Variants in TMEM229B observed in about 807,000 individuals in gnomAD.
TMEM229B encodes the protein transmembrane protein 229B.
A neutral mutation model predicts 13.7 loss-of-function variants in TMEM229B; 6 were observed. That is an observed-to-expected ratio of 0.44 (90% CI 0.24 to 0.86). The LOEUF is 0.86. Among genes scored for constraint, TMEM229B ranks in the 40% least tolerant of loss-of-function variants. The pLI, the probability that TMEM229B is intolerant of heterozygous loss-of-function variation, is 0.23. For synonymous variants in TMEM229B, 107 were observed against 102.1 expected (o/e 1.05, Z -0.29); for missense variants, 170 against 236.0 (o/e 0.72, Z 1.83).
chr14:67,476,838 G>A (rs1379169210), intron 2 of TMEM229B, among the ~76,000 whole-genome samples: 7 of 151,938 alleles, frequency 4.6e-5, no homozygotes, highest in South Asian at 2.1e-4. Flanking sequence ...AAAAATGCTC[G>A]ATAGTGGCTG....
intron 1 of TMEM229B, among the ~76,000 whole-genome samples, chr14:67,502,747 G>A (rs1054583308): frequency 4.0e-5 from 6 of 151,796 alleles, no homozygotes; most frequent in African/African-American, 1.2e-4. Context: ...CCACCGCGCC[G>A]GGCCCCAGAA....
At chr14:67,479,856 T>G (rs2031476828) in intron 2 of TMEM229B, among the ~76,000 whole-genome samples, 1 of 152,162 alleles carries the variant, frequency 6.6e-6, no homozygotes, top group South Asian at 2.1e-4. Context: ...TGCAGGCTCT[T>G]CCCTCCTGTG....
intron 2 of TMEM229B, among the ~76,000 whole-genome samples, chr14:67,481,211 A>C (rs2031564956): frequency 6.6e-6 from 1 of 152,208 alleles, no homozygotes; most frequent in African/African-American, 2.4e-5. Context: ...TGAGTTCAAG[A>C]GTTTGAGGCT....
At chr14:67,505,228 A>T (rs139167572) in intron 1 of TMEM229B, among the ~76,000 whole-genome samples, 37 of 152,218 alleles carry the variant, frequency 2.4e-4, no homozygotes, top group African/African-American at 8.4e-4. Flanking sequence ...GACTGGGGAA[A>T]AATCTTTGTG....
Position 67,473,277 on chromosome 14 carries a change from C to T in TMEM229B, c.*143G>A. On this transcript the variant is annotated 3_prime_UTR_variant, in exon 3 of 3. Coordinates refer to ENST00000554480, the MANE Select transcript of TMEM229B (RefSeq NM_001348543.2). The surrounding 1 kb of genome is among the most constrained non-coding windows in gnomAD (Gnocchi z 6.5). ...GCCCCCCAACACCGGCCCCCGCGGACGTTAGGGGGCTCTGTGTGCCCTATA... is the reference window on the plus strand; with the variant it reads ...GCCCCCCAACACCGGCCCCCGCGGATGTTAGGGGGCTCTGTGTGCCCTATA... The T allele has an allele frequency of 4.2e-6, 5 of 1,177,316 alleles. No individual in the cohort carries two copies. The highest frequency in any genetic ancestry group is 4.8e-6 in the Non-Finnish European group (4 of 836,844). 72.9% of individuals were successfully genotyped at this position (1,177,316 alleles called of 1,614,324 possible).
chr14:67,505,875 T>A (rs1287827939), intron 1 of TMEM229B, among the ~76,000 whole-genome samples: 2 of 152,156 alleles, frequency 1.3e-5, no homozygotes, highest in African/African-American at 2.4e-5. Flanking sequence ...AATTTTTGTA[T>A]TTTTAGTAGC....
intron 2 of TMEM229B, among the ~76,000 whole-genome samples, chr14:67,484,759 A>C (rs1373492734): frequency 6.6e-6 from 1 of 152,174 alleles, no homozygotes; most frequent in African/African-American, 2.4e-5. Context: ...CCTCATTTCT[A>C]ATAAAGAAAA....
At chr14:67,522,744 G>C (rs890384342) in intron 1 of TMEM229B, among the ~76,000 whole-genome samples, 1 of 152,218 alleles carries the variant, frequency 6.6e-6, no homozygotes, top group Non-Finnish European at 1.5e-5. Context: ...AGCCGGCTGA[G>C]AGACAGCCAA....
chr14:67,500,355 T>A (rs1036911057), intron 1 of TMEM229B, among the ~76,000 whole-genome samples: 1 of 151,414 alleles, frequency 6.6e-6, no homozygotes, highest in Admixed American at 6.6e-5. Context: ...GCGCCTGTAA[T>A]CCCAGCTACT....
intron 1 of TMEM229B, among the ~76,000 whole-genome samples, chr14:67,495,315 C>T (rs2032323409): frequency 6.6e-6 from 1 of 152,218 alleles, no homozygotes; most frequent in Non-Finnish European, 1.5e-5. Context: ...CTCCTCCTCC[C>T]AGGATCAACA....
intron 1 of TMEM229B, among the ~76,000 whole-genome samples, chr14:67,510,475 G>A (rs1356816949): frequency 6.6e-6 from 1 of 152,184 alleles, no homozygotes; most frequent in African/African-American, 2.4e-5. Flanking sequence ...CTCACCATGT[G>A]TTAGAAACTG....
chr14:67,478,516 G>GA (rs1180003079), intron 2 of TMEM229B, among the ~76,000 whole-genome samples: 2 of 151,952 alleles, frequency 1.3e-5, no homozygotes, highest in East Asian at 1.9e-4. Context: ...AGAGTGTGTA[G>GA]AAAAAACGCA....
intron 1 of TMEM229B, among the ~76,000 whole-genome samples, chr14:67,528,396 C>G: frequency 6.6e-6 from 1 of 152,202 alleles, no homozygotes; most frequent in East Asian, 1.9e-4. Context: ...AGTCTCTCCC[C>G]ACACAGGCTC....
chr14:67,478,142 C>T (rs755668694), intron 2 of TMEM229B, among the ~76,000 whole-genome samples: 12 of 152,366 alleles, frequency 7.9e-5, no homozygotes, highest in Middle Eastern at 3.4e-3. Flanking sequence ...GCTGGGGCAG[C>T]GTAGCTCCAC....
rs757183130 is a variant in TMEM229B at position 67,508,753 on chromosome 14, C to CAAAA, written c.-192+6329_-192+6332dup. Reference sequence around the variant, plus strand: ...TGGGTGACAGAGCAAAACCTTGTCTCAAAAAAAAAAAAAAAAAACAGAAGA... The same window carrying CAAAA: ...TGGGTGACAGAGCAAAACCTTGTCTCAAAAAAAAAAAAAAAAAAAAAACAGAAGA... On this transcript the variant is annotated intron_variant, in intron 1 of 2. Transcript: ENST00000357461. Among the ~76,000 whole-genome samples, 138 of 46,726 alleles carry CAAAA rather than the reference C, an allele frequency of 3.0e-3. 11 individuals are homozygous for CAAAA. Among genetic ancestry groups the CAAAA allele is most frequent in the Non-Finnish European group, 4.5e-3 (97 of 21,320 alleles). The allele number at this position is 46,726 out of a possible 152,430, so 30.7% of individuals were successfully genotyped here.
chr14:67,496,355 A>AGT (rs913316018), intron 1 of TMEM229B, among the ~76,000 whole-genome samples: 5 of 135,686 alleles, frequency 3.7e-5, no homozygotes, highest in Non-Finnish European at 6.2e-5. Flanking sequence ...GGCCTCCCAA[A>AGT]GTGCTGGGAT....
At position 67,471,242 on chromosome 14, in the gene TMEM229B, C is replaced by G. The variant is rs1566665148; in HGVS notation, c.*2178G>C. 6.6e-6 allele frequency: 1 copy of G among 152,366 alleles called. No individual in the cohort carries two copies. Among genetic ancestry groups the G allele is most frequent in the East Asian group, 1.9e-4 (1 of 5,194 alleles). The allele number at this position is 152,366 out of a possible 1,614,324, so 9.4% of individuals were successfully genotyped here. Reference sequence around the variant, plus strand: ...AAGGCAACTTCTGGAGCAGCAAGACCTGGTGGGCCAATCAAGGATTTGCTC... The same window carrying G: ...AAGGCAACTTCTGGAGCAGCAAGACGTGGTGGGCCAATCAAGGATTTGCTC... On this transcript the variant is annotated 3_prime_UTR_variant, in exon 3 of 3. Transcript: ENST00000554480.
At chr14:67,489,370 G>A (rs966116114), upstream of TMEM229B, among the ~76,000 whole-genome samples, 127 of 152,122 alleles carry the variant, frequency 8.3e-4, 1 homozygote, top group Non-Finnish European at 4.4e-5. Context: ...TGCATGCAAG[G>A]GTCTTCAAGT....
intron 1 of TMEM229B, among the ~76,000 whole-genome samples, chr14:67,528,202 G>A (rs920804730): frequency 2.0e-5 from 3 of 152,172 alleles, no homozygotes; most frequent in Non-Finnish European, 4.4e-5. Flanking sequence ...AGCATCTACT[G>A]AGTACTTACT....
Sources: allele counts gnomAD v4.1 joint callset (sites outside exome capture counted in the v4.1 genomes callset), GRCh38; gene constraint gnomAD v4.1.1; non-coding constraint Gnocchi (gnomAD v3.1); transcripts MANE v1.5; gene names NCBI Gene and HGNC (gene_info 2026-07-23, HGNC 2026-07-21).